GALNT14: variants seen among roughly 807,000 people sequenced by gnomAD.
GALNT14 encodes polypeptide N-acetylgalactosaminyltransferase 14.
A neutral mutation model predicts 77.5 loss-of-function variants in GALNT14; 60 were observed. The ratio of observed to expected loss-of-function variants is 0.77; its 90% CI spans 0.63 to 0.96. The LOEUF (loss-of-function observed/expected upper bound fraction) is 0.96, where lower values mean the gene tolerates loss of function less well. Ranked by LOEUF, GALNT14 falls within the 40% of genes least tolerant of loss-of-function variation. The pLI is 0.00. For missense variants in GALNT14, 710 were observed against 731.0 expected (o/e 0.97, Z 0.33); for synonymous variants, 280 against 281.7 (o/e 0.99, Z 0.06).
chr2:31,122,267 G>T (rs1678450730), intron 1 of GALNT14, among the ~76,000 whole-genome samples: 1 of 152,226 alleles, frequency 6.6e-6, no homozygotes, highest in Non-Finnish European at 1.5e-5. Flanking sequence ...TGATGAAACA[G>T]CCGTGATGGT....
intron 13 of GALNT14, among the ~76,000 whole-genome samples, chr2:30,921,627 G>A (rs1665036660): frequency 6.6e-6 from 1 of 152,210 alleles, no homozygotes; most frequent in African/African-American, 2.4e-5. Context: ...AGCCATCGAT[G>A]TCTGTGCTGA....
At chr2:30,997,683 G>A (rs139444989) in intron 1 of GALNT14, among the ~76,000 whole-genome samples, 4 of 152,218 alleles carry the variant, frequency 2.6e-5, no homozygotes, top group Admixed American at 6.5e-5. Context: ...ACGTTATCCC[G>A]TTTAAAGTTT....
Position 31,031,179 on chromosome 2 carries a change from G to A in GALNT14, c.130-38172C>T, listed in dbSNP as rs10174621. On this transcript the variant is annotated intron_variant, in intron 1 of 14. Transcript: ENST00000349752. ...TGGTAGACTTATCAAGTCCTATTTG[G>A]ATGCCATGTGATCACTTAAGGGGTG... Among the ~76,000 whole-genome samples, 767 of 152,176 alleles carry A rather than the reference G, an allele frequency of 5.0e-3. 7 individuals are homozygous for A. The highest frequency in any genetic ancestry group is 0.017 in the African/African-American group (707 of 41,504).
At position 31,129,084 on chromosome 2, in the gene GALNT14, T is replaced by C. The variant is rs181236435; in HGVS notation, c.129+8874A>G. Among the ~76,000 whole-genome samples the C allele has an allele frequency of 6.8e-3, 1,034 of 152,166 alleles. 9 individuals carry two copies. The highest frequency in any genetic ancestry group is 0.024 in the African/African-American group (987 of 41,506). On this transcript the variant is annotated intron_variant, in intron 1 of 14. Transcript: ENST00000349752. ...AAAACAAACATATAACATACACATA[T>C]ATATTTCATCTTCCCTGGCAAAGGA...
intron 1 of GALNT14, among the ~76,000 whole-genome samples, chr2:31,095,591 C>G (rs1364724820): frequency 6.6e-6 from 1 of 152,104 alleles, no homozygotes; most frequent in Non-Finnish European, 1.5e-5. Flanking sequence ...AAGCTTTTGA[C>G]CCTCCATGAG....
At position 30,978,567 on chromosome 2, in the gene GALNT14, G is replaced by A. The variant is rs548223157; in HGVS notation, c.300-12265C>T. ...TGTGGCGCTGGATTTATGCGTGAAC[G>A]TGGATAATTCTCTGTTGAGCGAGGA... On this transcript the variant is annotated intron_variant, in intron 2 of 14. Coordinates refer to ENST00000349752, the MANE Select transcript of GALNT14 (RefSeq NM_024572.4). 2.9e-3 allele frequency among the ~76,000 whole-genome samples: 445 copies of A among 152,312 alleles called. 5 individuals are homozygous for A. The highest frequency in any genetic ancestry group is 3.1e-3 in the Non-Finnish European group (213 of 68,040).
Position 30,910,694 on chromosome 2 carries a change from A to G in GALNT14, c.*207T>C, listed in dbSNP as rs1278852042. Reference sequence around the variant, plus strand: ...ACTGGAACTTAACGGCCTTGAGAACATGTGGGATTTGTCTTTGAGCCCCAT... The same window carrying G: ...ACTGGAACTTAACGGCCTTGAGAACGTGTGGGATTTGTCTTTGAGCCCCAT... On this transcript the variant is annotated 3_prime_UTR_variant, in exon 15 of 15. Coordinates refer to ENST00000349752, the MANE Select transcript of GALNT14 (RefSeq NM_024572.4). 1.3e-5 allele frequency: 7 copies of G among 535,368 alleles called. No individual in the cohort carries two copies. Among genetic ancestry groups the G allele is most frequent in the Non-Finnish European group, 2.0e-5 (6 of 304,938 alleles). 33.2% of individuals were successfully genotyped at this position (535,368 alleles called of 1,614,324 possible). A position where few individuals can be genotyped will look rare whatever the true frequency, so the allele number is the denominator to read the frequency against.
At chr2:30,987,840 T>C (rs1669404915) in intron 2 of GALNT14, among the ~76,000 whole-genome samples, 2 of 152,038 alleles carry the variant, frequency 1.3e-5, no homozygotes. Context: ...GCTCAGCTAA[T>C]AGTTCTCTGT....
At chr2:31,016,322 T>G (rs1217609305) in intron 1 of GALNT14, among the ~76,000 whole-genome samples, 1 of 152,166 alleles carries the variant, frequency 6.6e-6, no homozygotes, top group Admixed American at 6.5e-5. Flanking sequence ...GATTGTATTA[T>G]GCCAACCTTG....
rs58154627 is a variant in GALNT14, at chr2:30,995,283, G to T, written c.130-2276C>A. Among the ~76,000 whole-genome samples, 753 of 152,140 alleles carry T rather than the reference G, an allele frequency of 4.9e-3. 7 individuals carry two copies. The highest frequency in any genetic ancestry group is 0.018 in the African/African-American group (727 of 41,472). On this transcript the variant is annotated intron_variant, in intron 1 of 14. Transcript: ENST00000349752. Reference sequence around the variant, plus strand: ...ATGATTATAATACTGTATGTTCGCTGTACCTTTTCTGTTTTGATATGTTTA... The same window carrying T: ...ATGATTATAATACTGTATGTTCGCTTTACCTTTTCTGTTTTGATATGTTTA...
At chr2:30,889,808 A>C in the GALNT14 span, among the ~76,000 whole-genome samples, 1 of 152,236 alleles carries the variant, frequency 6.6e-6, no homozygotes, top group African/African-American at 2.4e-5. Context: ...AATACTGTGG[A>C]GTCTGAAGGG....
rs537909385 is a variant in GALNT14 at position 30,959,092 on chromosome 2, A to G, written c.399-628T>C. Among the ~76,000 whole-genome samples, 6 of 152,160 alleles carry G rather than the reference A, an allele frequency of 3.9e-5. No individual in the cohort carries two copies. The South Asian group carries it at 1.2e-3, about 32-fold the overall frequency. On this transcript the variant is annotated intron_variant, in intron 3 of 14. Transcript: ENST00000349752. ...GAAGCTGTCCTGCTCATTCATAACT[A>G]AGAGCCTCTCTCCTGCTGCTGCCGC... is the stretch of plus-strand genomic sequence containing the variant.
chr2:31,079,289 C>G (rs913003655), intron 1 of GALNT14, among the ~76,000 whole-genome samples: 2 of 152,130 alleles, frequency 1.3e-5, no homozygotes, highest in African/African-American at 4.8e-5. Context: ...GCAGATGCAC[C>G]TGACAGCGTC....
At chr2:30,924,553 C>T (rs1665241109) in intron 12 of GALNT14, among the ~76,000 whole-genome samples, 187 bp downstream of exon 12, 1 of 152,190 alleles carries the variant, frequency 6.6e-6, no homozygotes, top group African/African-American at 2.4e-5. Context: ...TGTAATCCTT[C>T]ATGCTATTGA....
chr2:31,043,097 T>C (rs979232487), intron 1 of GALNT14, among the ~76,000 whole-genome samples: 28 of 152,196 alleles, frequency 1.8e-4, no homozygotes, highest in Admixed American at 9.8e-4. Context: ...TTGCTGTTCG[T>C]CAGATGCTCC....
chr2:30,931,279 A>C lies in GALNT14; in HGVS notation c.1058+789T>G, dbSNP rs565032202. Among the ~76,000 whole-genome samples the C allele has an allele frequency of 2.6e-5, 4 of 152,302 alleles. No homozygotes were observed. In the East Asian group the frequency reaches 7.7e-4, roughly 29 times the overall value. ...CTACCCCAATGGACCAAATGACAGA[A>C]AAAAAGGAAGAGGAGACCAAGTGGA... is the stretch of plus-strand genomic sequence containing the variant. On this transcript the variant is annotated intron_variant, in intron 10 of 14. Transcript: ENST00000349752.
chr2:30,942,300 G>A lies in GALNT14; in HGVS notation c.832C>T (p.Pro278Ser), dbSNP rs1666422776. 1 of 1,612,876 alleles carries A rather than the reference G, an allele frequency of 6.2e-7. No individual in the cohort carries two copies. The highest frequency in any genetic ancestry group is 1.3e-5 in the African/African-American group (1 of 75,014). The change falls in exon 9 of 15, where the codon CCT becomes TCT. Residue 278 changes from proline to serine, a missense_variant. Pro to Ser is a moderately conservative substitution (Grantham distance 74, BLOSUM62 -1). Coordinates refer to ENST00000349752, the MANE Select transcript of GALNT14 (RefSeq NM_024572.4). ...ACGAAGAGCCCTCCAGCTATGATAG[G>A]AGTCCTGTGCATTTGGAAGAAAAAG... Reference protein sequence around the residue: ...RLDPTEPIRTPIIAGGLFVID... With the variant: ...RLDPTEPIRTSIIAGGLFVID...
At chr2:31,111,688 T>C (rs1677843926) in intron 1 of GALNT14, among the ~76,000 whole-genome samples, 2 of 152,232 alleles carry the variant, frequency 1.3e-5, no homozygotes, top group South Asian at 2.1e-4. Flanking sequence ...TTTCAGCCTT[T>C]TAAAGCTTTT....
At chr2:31,060,180 A>G (rs1674500647) in intron 1 of GALNT14, among the ~76,000 whole-genome samples, 2 of 152,222 alleles carry the variant, frequency 1.3e-5, no homozygotes, top group South Asian at 4.1e-4. Context: ...TACCCCAGCC[A>G]GGACCGGAAC....
Sources: gnomAD v4.1 joint callset for allele counts (sites outside exome capture counted in the v4.1 genomes callset) on GRCh38, gnomAD v4.1.1 for gene constraint, MANE v1.5 for transcripts, NCBI Gene and HGNC (gene_info 2026-07-23, HGNC 2026-07-21) for gene names.